CDH4: variants seen among roughly 807,000 people sequenced by gnomAD.
The protein encoded by CDH4 is cadherin-4.
CDH4 carries 33 observed loss-of-function variants against 86.0 expected under a neutral mutation model. That is an observed-to-expected ratio of 0.38 (90% CI 0.29 to 0.51). The LOEUF (loss-of-function observed/expected upper bound fraction) is 0.51. Among genes scored for constraint, CDH4 ranks in the 20% least tolerant of loss-of-function variants. CDH4 has a pLI of 0.86. For synonymous variants in CDH4, 555 were observed against 549.4 expected (o/e 1.01, Z -0.14); for missense variants, 1,114 against 1,307.4 (o/e 0.85, Z 2.28).
intron 2 of CDH4, among the ~76,000 whole-genome samples, chr20:61,308,040 T>C (rs2084426823): frequency 6.6e-6 from 1 of 152,090 alleles, no homozygotes. Context: ...GAAACACGGC[T>C]CTCCCTGTGG....
rs572686544 is a variant in CDH4 at position 61,541,819 on chromosome 20, C to T, written c.170-201744C>T. ...TCCAGCCAGTGAGTGTGCCAGGATC[C>T]CTCTCTCTCCTGAGGACTTGGGGTT... On this transcript the variant is annotated intron_variant, in intron 2 of 15. Transcript: ENST00000614565. Among the ~76,000 whole-genome samples, 5 of 152,214 alleles carry T rather than the reference C, an allele frequency of 3.3e-5. No individual in the cohort carries two copies. In the East Asian group the frequency reaches 7.7e-4, roughly 24 times the overall value.
chr20:61,497,251 T>A (rs904701868), intron 2 of CDH4, among the ~76,000 whole-genome samples: 4 of 152,270 alleles, frequency 2.6e-5, no homozygotes, highest in Admixed American at 2.6e-4. Context: ...GTCTAACACT[T>A]GTATTTGTGT....
chr20:61,901,143 T>G (rs1381495790), intron 8 of CDH4, among the ~76,000 whole-genome samples: 1 of 145,248 alleles, frequency 6.9e-6, no homozygotes, highest in Non-Finnish European at 1.5e-5. Context: ...AAAAGGGGTT[T>G]CAGGTTAATT....
At chr20:61,605,912 A>T (rs867525504) in intron 2 of CDH4, among the ~76,000 whole-genome samples, 1 of 149,904 alleles carries the variant, frequency 6.7e-6, no homozygotes, top group South Asian at 2.1e-4. Context: ...AAAACAGGAA[A>T]CCAGGTAGAG....
intron 13 of CDH4, 94 bp downstream of exon 13, chr20:61,929,936 C>G (rs1010716372): frequency 1.1e-6 from 1 of 933,250 alleles, no homozygotes; most frequent in Non-Finnish European, 1.7e-6. Context: ...TGGATTTGCC[C>G]CTCAGCCCTC....
intron 3 of CDH4, among the ~76,000 whole-genome samples, chr20:61,767,615 C>G (rs558176344): frequency 1.3e-5 from 2 of 152,166 alleles, no homozygotes; most frequent in African/African-American, 4.8e-5. Context: ...CCAGAGTGGG[C>G]GCTTTGGGCC....
At chr20:61,465,333 G>A (rs981258053) in intron 2 of CDH4, among the ~76,000 whole-genome samples, 1 of 152,156 alleles carries the variant, frequency 6.6e-6, no homozygotes, top group Non-Finnish European at 1.5e-5. Context: ...TATGATAATG[G>A]GGGAGGAAGG....
intron 6 of CDH4, among the ~76,000 whole-genome samples, chr20:61,869,001 G>A (rs1388855182): frequency 1.3e-5 from 2 of 152,168 alleles, no homozygotes; most frequent in Non-Finnish European, 2.9e-5. Context: ...CACACACAAA[G>A]CCTCTAGACG....
chr20:61,657,764 T>C (rs2087207691), intron 2 of CDH4, among the ~76,000 whole-genome samples: 1 of 152,228 alleles, frequency 6.6e-6, no homozygotes, highest in Non-Finnish European at 1.5e-5. Context: ...CACCTCGTAG[T>C]AAAATGTGGA....
intron 2 of CDH4, among the ~76,000 whole-genome samples, chr20:61,721,138 G>C (rs562498455): frequency 6.6e-6 from 1 of 152,180 alleles, no homozygotes; most frequent in Non-Finnish European, 1.5e-5. Flanking sequence ...GACCTGAAGC[G>C]GGAGGTGAAT....
At chr20:61,866,815 A>G (rs983650185) in intron 6 of CDH4, among the ~76,000 whole-genome samples, 1 of 152,240 alleles carries the variant, frequency 6.6e-6, no homozygotes, top group Non-Finnish European at 1.5e-5. Context: ...CTTAAAAAGC[A>G]GATTCCTGAA....
intron 4 of CDH4, among the ~76,000 whole-genome samples, chr20:61,838,961 T>C (rs577617168): frequency 6.6e-6 from 1 of 152,340 alleles, no homozygotes; most frequent in Non-Finnish European, 1.5e-5. Context: ...CCATGGCACC[T>C]GTTGGCACCA....
At chr20:61,319,418 C>G (rs957641589) in intron 2 of CDH4, among the ~76,000 whole-genome samples, 1 of 152,086 alleles carries the variant, frequency 6.6e-6, no homozygotes, top group African/African-American at 2.4e-5. Flanking sequence ...CATGTGCAGC[C>G]TCATTCATCC....
chr20:61,583,933 T>C (rs1032861103), intron 2 of CDH4, among the ~76,000 whole-genome samples: 1 of 151,684 alleles, frequency 6.6e-6, no homozygotes, highest in African/African-American at 2.4e-5. Context: ...CTGAGGCGGG[T>C]GGATTGCTTG....
At chr20:61,298,421 C>T (rs2084368489) in intron 2 of CDH4, among the ~76,000 whole-genome samples, 3 of 152,082 alleles carry the variant, frequency 2.0e-5, no homozygotes, top group South Asian at 2.1e-4. Context: ...CACTTCTCCC[C>T]CACACCCCTT....
At chr20:61,700,786 A>G (rs2087767051) in intron 2 of CDH4, among the ~76,000 whole-genome samples, 1 of 152,210 alleles carries the variant, frequency 6.6e-6, no homozygotes, top group African/African-American at 2.4e-5. Flanking sequence ...TTCATGGCCC[A>G]GGCCTGGGGC....
intron 2 of CDH4, among the ~76,000 whole-genome samples, chr20:61,593,004 G>A (rs1452276759): frequency 6.6e-6 from 1 of 152,104 alleles, no homozygotes; most frequent in Admixed American, 6.5e-5. Flanking sequence ...CTTATAGGAG[G>A]GGGGCAGGAG....
In CDH4 at chr20:61,565,062, T is replaced by TTGGTGGTGGTGGTGG. The variant is rs140113205; in HGVS notation, c.170-178489_170-178475dup. ...TTCTTTGCTGCCACTGGTGGTGCTC[T>TTGGTGGTGGTGGTGG]TGGTGGTGGTGGTGGTGGTGGTGGT... On this transcript the variant is annotated intron_variant, in intron 2 of 15. Transcript: ENST00000614565. Among the ~76,000 whole-genome samples the TTGGTGGTGGTGGTGG allele has an allele frequency of 3.7e-3, 376 of 101,232 alleles. 20 individuals are homozygous for TTGGTGGTGGTGGTGG. The highest frequency in any genetic ancestry group is 0.016 in the Middle Eastern group (3 of 184). 66.4% of individuals were successfully genotyped at this position (101,232 alleles called of 152,430 possible).
At chr20:61,618,803 A>G (rs774324102) in intron 2 of CDH4, among the ~76,000 whole-genome samples, 1 of 152,178 alleles carries the variant, frequency 6.6e-6, no homozygotes, top group African/African-American at 2.4e-5. Context: ...TGAGGTTTCT[A>G]TGGCAAGTGG....
Sources: gnomAD v4.1 joint callset for allele counts (sites outside exome capture counted in the v4.1 genomes callset) on GRCh38, gnomAD v4.1.1 for gene constraint, MANE v1.5 for transcripts, NCBI Gene and HGNC (gene_info 2026-07-23, HGNC 2026-07-21) for gene names.